HPSE2: variants seen among roughly 807,000 people sequenced by gnomAD.
HPSE2 encodes the protein heparanase 2 (inactive).
A neutral mutation model predicts 60.5 loss-of-function variants in HPSE2; 38 were observed. The ratio of observed to expected loss-of-function variants is 0.63; its 90% CI spans 0.48 to 0.82. The LOEUF is 0.82. HPSE2 is among the 40% of genes least tolerant of loss of function. The pLI is 0.00. For missense variants in HPSE2, 713 were observed against 740.4 expected (o/e 0.96, Z 0.43); for synonymous variants, 295 against 293.2 (o/e 1.01, Z -0.06).
chr10:99,091,003 G>C (rs962848389), intron 3 of HPSE2, among the ~76,000 whole-genome samples: 5 of 151,930 alleles, frequency 3.3e-5, no homozygotes, highest in Middle Eastern at 3.2e-3. Flanking sequence ...CTCTCTCCTT[G>C]AATCCAGATC....
At chr10:98,493,671 T>C (rs1213194924) in intron 9 of HPSE2, among the ~76,000 whole-genome samples, 1 of 152,206 alleles carries the variant, frequency 6.6e-6, no homozygotes, top group Non-Finnish European at 1.5e-5. Flanking sequence ...AATCTGTTTG[T>C]GTTTTTGGGT....
At chr10:99,235,492 C>G in intron 1 of HPSE2, 21 bp downstream of exon 1, 1 of 1,613,428 alleles carries the variant, frequency 6.2e-7, no homozygotes, top group African/African-American at 1.3e-5. Flanking sequence ...TTTAAATGAT[C>G]CATCGAAACC....
intron 3 of HPSE2, among the ~76,000 whole-genome samples, chr10:99,076,155 A>G (rs1429510582): frequency 1.4e-5 from 2 of 145,946 alleles, no homozygotes; most frequent in Non-Finnish European, 3.0e-5. Flanking sequence ...CTTGTTTTTC[A>G]TTGATTTTTT....
chr10:98,663,667 C>A (rs1450670138), intron 6 of HPSE2, among the ~76,000 whole-genome samples: 2 of 152,150 alleles, frequency 1.3e-5, no homozygotes, highest in African/African-American at 4.8e-5. Flanking sequence ...ACAGTTCCCA[C>A]AAGGACCTGT....
intron 2 of HPSE2, among the ~76,000 whole-genome samples, chr10:99,148,362 ATAAT>A (rs1252550113): frequency 2.0e-5 from 3 of 152,244 alleles, no homozygotes; most frequent in African/African-American, 7.2e-5. Context: ...AAGAGTACCT[ATAAT>A]TATTTTTGTT....
At chr10:98,993,531 T>G (rs527452349) in intron 3 of HPSE2, among the ~76,000 whole-genome samples, 1 of 152,322 alleles carries the variant, frequency 6.6e-6, no homozygotes, top group South Asian at 2.1e-4. Context: ...GAATATATTT[T>G]TATTTTTACT....
intron 11 of HPSE2, among the ~76,000 whole-genome samples, chr10:98,482,011 A>C (rs990230835): frequency 6.6e-6 from 1 of 152,150 alleles, no homozygotes; most frequent in African/African-American, 2.4e-5. Flanking sequence ...TTATTTGTAG[A>C]GTTTTGAAAG....
the HPSE2 span, among the ~76,000 whole-genome samples, chr10:99,300,696 AAC>A: frequency 1.3e-5 from 2 of 152,202 alleles, no homozygotes; most frequent in Admixed American, 1.3e-4. Context: ...TGCTTTTCTT[AAC>A]ACAGATAAGA....
chr10:98,519,323 A>G lies in HPSE2; in HGVS notation c.1321-29127T>C, dbSNP rs371528262. 1.9e-4 allele frequency among the ~76,000 whole-genome samples: 29 copies of G among 152,356 alleles called. 2 individuals are homozygous for G. In the South Asian group the frequency reaches 5.8e-3, roughly 30 times the overall value. On this transcript the variant is annotated intron_variant, in intron 9 of 11. Transcript: ENST00000370552. ...GCCCACAGCCAGGAAAGTCTCTGTA[A>G]GTAGAGTTTTTGAGCTAATTCTTAG...
intron 3 of HPSE2, among the ~76,000 whole-genome samples, chr10:98,769,658 G>A (rs919349951): frequency 1.3e-5 from 2 of 152,134 alleles, no homozygotes; most frequent in Non-Finnish European, 2.9e-5. Flanking sequence ...ATTCTAATGT[G>A]AGACTATAAA....
intron 3 of HPSE2, among the ~76,000 whole-genome samples, chr10:99,001,308 C>G (rs997055760): frequency 1.1e-4 from 16 of 152,040 alleles, no homozygotes; most frequent in African/African-American, 3.4e-4. Flanking sequence ...GAGAAGTAGG[C>G]TAATGCACTC....
chr10:98,476,563 G>A (rs1941030116), intron 11 of HPSE2, among the ~76,000 whole-genome samples: 1 of 152,108 alleles, frequency 6.6e-6, no homozygotes, highest in Admixed American at 6.5e-5. Flanking sequence ...GCTGCGGCAG[G>A]TGGATCACCT....
chr10:98,486,148 A>G (rs1941432408), intron 10 of HPSE2, among the ~76,000 whole-genome samples: 1 of 152,188 alleles, frequency 6.6e-6, no homozygotes, highest in South Asian at 2.1e-4. Context: ...ATGGGCAAGG[A>G]CATTAAGCCA....
chr10:99,092,039 G>C (rs1454811521), intron 3 of HPSE2, among the ~76,000 whole-genome samples: 1 of 152,134 alleles, frequency 6.6e-6, no homozygotes, highest in Non-Finnish European at 1.5e-5. Flanking sequence ...GACTTGCTGG[G>C]AAAGTGGGGA....
intron 9 of HPSE2, among the ~76,000 whole-genome samples, chr10:98,606,394 A>C (rs1192646022): frequency 6.6e-6 from 1 of 152,242 alleles, no homozygotes; most frequent in African/African-American, 2.4e-5. Flanking sequence ...TCCTCTACGG[A>C]TCAACTTGAA....
At chr10:99,216,272 G>A (rs1849122520) in intron 2 of HPSE2, among the ~76,000 whole-genome samples, 4 of 136,782 alleles carry the variant, frequency 2.9e-5, no homozygotes, top group African/African-American at 8.5e-5. Context: ...TTGGCTCACT[G>A]CAACTTCTAC....
chr10:99,132,145 G>GAAAGGAA (rs1845413098), intron 3 of HPSE2, among the ~76,000 whole-genome samples: 1 of 23,960 alleles, frequency 4.2e-5, no homozygotes, highest in Non-Finnish European at 1.6e-4. Context: ...AAGAAAGAAA[G>GAAAGGAA]GAAGAAAGAA....
chr10:98,989,979 C>T (rs987955404), intron 3 of HPSE2, among the ~76,000 whole-genome samples: 1 of 152,034 alleles, frequency 6.6e-6, no homozygotes, highest in African/African-American at 2.4e-5. Context: ...AGCTTGTGGG[C>T]GTACCAAAAC....
At position 98,492,209 on chromosome 10, in the gene HPSE2, A is replaced by C. The variant is rs937535561; in HGVS notation, c.1321-2013T>G. On this transcript the variant is annotated intron_variant, in intron 9 of 11. Coordinates refer to ENST00000370552, the MANE Select transcript of HPSE2 (RefSeq NM_021828.5). ...TTGTAAGCAAGCCACTCACATTTGG[A>C]AAAAAGAGATATTATGTTTACGGTG... Among the ~76,000 whole-genome samples, 5 of 152,326 alleles carry C rather than the reference A, an allele frequency of 3.3e-5. No homozygotes were observed. In the East Asian group the frequency reaches 9.6e-4, roughly 29 times the overall value.
Sources: gnomAD v4.1 joint callset for allele counts (sites outside exome capture counted in the v4.1 genomes callset) on GRCh38, gnomAD v4.1.1 for gene constraint, MANE v1.5 for transcripts, NCBI Gene and HGNC (gene_info 2026-07-23, HGNC 2026-07-21) for gene names.